Variants in KLHL29 observed in about 807,000 individuals in gnomAD.
The protein encoded by KLHL29 is kelch-like protein 29.
In KLHL29, 21 loss-of-function variants were observed where a neutral mutation model predicts 80.4. The ratio of observed to expected loss-of-function variants is 0.26; its 90% CI spans 0.19 to 0.38. The LOEUF (loss-of-function observed/expected upper bound fraction) is 0.38, where lower values mean the gene tolerates loss of function less well. KLHL29 is among the 10% of genes least tolerant of loss of function. KLHL29 has a pLI of 1.00. For synonymous variants in KLHL29, 511 were observed against 526.8 expected (o/e 0.97, Z 0.41); for missense variants, 867 against 1,223.9 (o/e 0.71, Z 4.35).
chr2:23,433,188 A>G (rs2103409527), intron 1 of KLHL29, among the ~76,000 whole-genome samples: 1 of 152,290 alleles, frequency 6.6e-6, no homozygotes, highest in Non-Finnish European at 1.5e-5. Context: ...AAGAGGGTGG[A>G]TTTCTATGCC....
chr2:23,517,118 G>A (rs1166899056), intron 2 of KLHL29, among the ~76,000 whole-genome samples: 3 of 152,230 alleles, frequency 2.0e-5, no homozygotes, highest in Admixed American at 6.5e-5. Context: ...GTCTCCCTGT[G>A]CCCGCTGTGG....
chr2:23,454,423 A>C (rs776166838), intron 1 of KLHL29, among the ~76,000 whole-genome samples: 1 of 152,216 alleles, frequency 6.6e-6, no homozygotes. Context: ...TAATTGTTTT[A>C]AAACGAATTT....
chr2:23,612,636 GT>G (rs1668897288), intron 3 of KLHL29, among the ~76,000 whole-genome samples: 1 of 152,160 alleles, frequency 6.6e-6, no homozygotes, highest in African/African-American at 2.4e-5. Context: ...CAGCTACTCA[GT>G]AGGCTAAGGC....
At chr2:23,463,234 TC>T (rs923692859) in intron 1 of KLHL29, among the ~76,000 whole-genome samples, 7 of 152,012 alleles carry the variant, frequency 4.6e-5, no homozygotes, top group African/African-American at 7.2e-5. Context: ...TTTTTTTTTT[TC>T]ATTTGGTTTA....
chr2:23,527,319 G>A (rs1395143296), intron 2 of KLHL29, among the ~76,000 whole-genome samples: 3 of 151,846 alleles, frequency 2.0e-5, no homozygotes, highest in Non-Finnish European at 4.4e-5. Flanking sequence ...TCAGAATCAC[G>A]CCCCCCAGCC....
intron 3 of KLHL29, among the ~76,000 whole-genome samples, chr2:23,570,680 G>C (rs953099934): frequency 2.6e-5 from 4 of 152,228 alleles, no homozygotes; most frequent in African/African-American, 9.6e-5. Flanking sequence ...CACACCTGAA[G>C]GGGTGGAGAC....
chr2:23,660,642 G>A (rs1410936577), intron 5 of KLHL29, among the ~76,000 whole-genome samples: 1 of 152,234 alleles, frequency 6.6e-6, no homozygotes, highest in African/African-American at 2.4e-5. Context: ...CCAGCCTTCT[G>A]GGAGTCCAGC....
Position 23,440,046 on chromosome 2 carries a change from A to C in KLHL29, c.-153-35514A>C, listed in dbSNP as rs575750472. Among the ~76,000 whole-genome samples, 3 of 151,506 alleles carry C rather than the reference A, an allele frequency of 2.0e-5. No homozygotes were observed. In the East Asian group the frequency reaches 5.8e-4, roughly 29 times the overall value. On this transcript the variant is annotated intron_variant, in intron 1 of 13. Transcript: ENST00000486442. ...AGAGTTAGCTTTTCTTGTTGAATTG[A>C]TCCCTTTACCATTATGTAATGGCCT...
At position 23,489,058 on chromosome 2, in the gene KLHL29, G is replaced by C. The variant is rs80305130; in HGVS notation, c.-46+13391G>C. On this transcript the variant is annotated intron_variant, in intron 2 of 13. Coordinates refer to ENST00000486442, the MANE Select transcript of KLHL29 (RefSeq NM_052920.2). ...TGACAGAAAATAAAAGTATTGTTTA[G>C]GGAAGGGAGGGGTAGTTTCCAACCC... Among the ~76,000 whole-genome samples, 1,022 of 152,260 alleles carry C rather than the reference G, an allele frequency of 6.7e-3. 7 individuals are homozygous for C. The highest frequency in any genetic ancestry group is 0.011 in the Non-Finnish European group (771 of 68,014).
chr2:23,693,016 C>T (rs367586833), intron 7 of KLHL29, among the ~76,000 whole-genome samples: 6 of 152,236 alleles, frequency 3.9e-5, no homozygotes, highest in African/African-American at 7.2e-5. Flanking sequence ...CTCCCAGTCT[C>T]GGTCCTTCTG....
At chr2:23,571,470 A>G (rs996460300) in intron 3 of KLHL29, among the ~76,000 whole-genome samples, 3 of 152,154 alleles carry the variant, frequency 2.0e-5, no homozygotes, top group Admixed American at 1.3e-4. Flanking sequence ...GCAGGCTCAG[A>G]GAAAAGTGAA....
At chr2:23,667,179 G>A (rs998399068) in intron 5 of KLHL29, 1 of 152,220 alleles carries the variant, frequency 6.6e-6, no homozygotes, top group Non-Finnish European at 1.5e-5. Flanking sequence ...TGATTTGCAA[G>A]GACCACAAGA....
At chr2:23,397,697 C>G (rs769564356) in intron 1 of KLHL29, among the ~76,000 whole-genome samples, 6 of 152,096 alleles carry the variant, frequency 3.9e-5, no homozygotes, top group Admixed American at 2.0e-4. Flanking sequence ...ACTGAGCATG[C>G]GGCAGTGAGG....
intron 5 of KLHL29, among the ~76,000 whole-genome samples, chr2:23,646,972 T>C (rs1028426756): frequency 1.3e-5 from 2 of 152,194 alleles, no homozygotes; most frequent in African/African-American, 4.8e-5. Context: ...CTCTGGCTAT[T>C]GCCTCTGGTC....
intron 3 of KLHL29, among the ~76,000 whole-genome samples, chr2:23,636,025 A>G (rs1669598504): frequency 6.6e-6 from 1 of 152,176 alleles, no homozygotes; most frequent in African/African-American, 2.4e-5. Context: ...ATTCTGAACC[A>G]TGGGAGGAAA....
At chr2:23,679,259 G>A (rs1558436340) in intron 5 of KLHL29, among the ~76,000 whole-genome samples, 1 of 152,178 alleles carries the variant, frequency 6.6e-6, no homozygotes, top group Non-Finnish European at 1.5e-5. Context: ...TCCTGGTTTA[G>A]CAGTTTGGAC....
At chr2:23,686,588 A>G (rs191814736) in intron 6 of KLHL29, among the ~76,000 whole-genome samples, 2 of 152,018 alleles carry the variant, frequency 1.3e-5, no homozygotes, top group Admixed American at 6.5e-5. Flanking sequence ...TGTCACGGGC[A>G]TCAGAGGTCA....
intron 2 of KLHL29, among the ~76,000 whole-genome samples, chr2:23,478,346 C>T (rs777798959): frequency 3.9e-5 from 6 of 152,062 alleles, no homozygotes; most frequent in African/African-American, 9.7e-5. Flanking sequence ...AGGAAGGTTC[C>T]GAGGCCCCTA....
intron 1 of KLHL29, among the ~76,000 whole-genome samples, chr2:23,473,206 C>G (rs1174202430): frequency 6.6e-6 from 1 of 152,066 alleles, no homozygotes; most frequent in East Asian, 1.9e-4. Flanking sequence ...CAACCCTGAC[C>G]CTGTCCCCAG....
Sources: gnomAD v4.1 joint callset for allele counts (sites outside exome capture counted in the v4.1 genomes callset) on GRCh38, gnomAD v4.1.1 for gene constraint, MANE v1.5 for transcripts, NCBI Gene and HGNC (gene_info 2026-07-23, HGNC 2026-07-21) for gene names.